ACACA: variants seen among roughly 807,000 people sequenced by gnomAD.
ACACA encodes the protein acetyl-CoA carboxylase alpha.
Under a neutral mutation model 296.1 loss-of-function variants are expected in ACACA, and 103 were observed. That is an observed-to-expected ratio of 0.35 (90% confidence interval 0.30 to 0.41). The LOEUF is 0.41. Among genes scored for constraint, ACACA ranks in the 10% least tolerant of loss-of-function variants. The pLI is 1.00. For synonymous variants in ACACA, 953 were observed against 1,038.6 expected, an observed-to-expected ratio of 0.92 and a Z score of 1.58; for missense variants, 1,554 against 2,989.7, an observed-to-expected ratio of 0.52 and a Z score of 11.20.
chr17:37,344,416 G>A (rs943696281), intron 1 of ACACA, among the ~76,000 whole-genome samples: 8 of 152,038 alleles, frequency 5.3e-5, no homozygotes, highest in African/African-American at 1.9e-4. Flanking sequence ...AAATTAGCGG[G>A]GCGTGGTGGT....
At chr17:37,201,604 C>T (rs1324604943) in intron 33 of ACACA, among the ~76,000 whole-genome samples, 1 of 151,832 alleles carries the variant, frequency 6.6e-6, no homozygotes, top group African/African-American at 2.4e-5. Context: ...TTTAGAGGTC[C>T]CCAACAAAGA....
At chr17:37,350,708 G>A (rs945563906) in intron 1 of ACACA, among the ~76,000 whole-genome samples, 61 of 152,032 alleles carry the variant, frequency 4.0e-4, no homozygotes, top group South Asian at 1.7e-3. Context: ...GCATGGTGGC[G>A]CATGCCTGTA....
rs967318507 is a variant in ACACA at position 37,294,408 on chromosome 17, T to A, written c.339-9438A>T. On this transcript the variant is annotated intron_variant, in intron 3 of 55. Coordinates refer to ENST00000616317, the MANE Select transcript of ACACA (RefSeq NM_198834.3). ...AGTGCTCTTTTATTTATAAGCCAAT[T>A]TGGTAGACACAACATGTAACAATAA... Among the ~76,000 whole-genome samples the A allele has an allele frequency of 7.9e-5, 12 of 152,336 alleles. No individual in the cohort carries two copies. In the East Asian group the frequency reaches 2.3e-3, roughly 29 times the overall value.
chr17:37,364,143 A>G (rs553135085), intron 1 of ACACA, among the ~76,000 whole-genome samples: 187 of 151,816 alleles, frequency 1.2e-3, no homozygotes, highest in African/African-American at 4.1e-3. Flanking sequence ...ATAAAAAATA[A>G]AAAAATTGCT....
intron 2 of ACACA, among the ~76,000 whole-genome samples, chr17:37,339,285 G>C (rs1483995390): frequency 6.6e-6 from 1 of 152,112 alleles, no homozygotes; most frequent in African/African-American, 2.4e-5. Flanking sequence ...AATCCACAAG[G>C]CACAATTCTT....
chr17:37,379,598 T>C (rs1233386252), intron 1 of ACACA, among the ~76,000 whole-genome samples: 2 of 151,930 alleles, frequency 1.3e-5, no homozygotes, highest in African/African-American at 2.4e-5. Context: ...TTTTCTCCCA[T>C]CAAAAAGTGG....
chr17:37,149,218 T>C (rs2075940052), intron 45 of ACACA, among the ~76,000 whole-genome samples: 1 of 152,224 alleles, frequency 6.6e-6, no homozygotes, highest in Admixed American at 6.5e-5. Context: ...TAAATCTTTA[T>C]GCATACTCTT....
chr17:37,301,005 ACACTT>A (rs1307946886), intron 3 of ACACA, among the ~76,000 whole-genome samples: 1 of 152,228 alleles, frequency 6.6e-6, no homozygotes, highest in Non-Finnish European at 1.5e-5. Context: ...AATTTTACAC[ACACTT>A]AAGTGTCTAC....
At chr17:37,227,439 G>C (rs2079589835) in intron 25 of ACACA, among the ~76,000 whole-genome samples, 1 of 152,058 alleles carries the variant, frequency 6.6e-6, no homozygotes, top group Non-Finnish European at 1.5e-5. Flanking sequence ...TGGCTGGGCA[G>C]GGTGGCTCAC....
chr17:37,237,765 A>G (rs1390892044), intron 24 of ACACA, among the ~76,000 whole-genome samples: 2 of 124,334 alleles, frequency 1.6e-5, no homozygotes, highest in Non-Finnish European at 3.1e-5. Flanking sequence ...TTATATTTTC[A>G]GTCTCTTTTT....
chr17:37,360,606 A>C (rs530799895), intron 1 of ACACA, among the ~76,000 whole-genome samples: 18 of 152,180 alleles, frequency 1.2e-4, no homozygotes, highest in Non-Finnish European at 2.2e-4. Flanking sequence ...GTCTATATGT[A>C]GTGTACTGTG....
chr17:37,291,407 C>T (rs1258784140), intron 3 of ACACA, among the ~76,000 whole-genome samples: 3 of 151,996 alleles, frequency 2.0e-5, no homozygotes, highest in Non-Finnish European at 4.4e-5. Flanking sequence ...AGCTCCCAAC[C>T]TCAGGTGATC....
chr17:37,212,740 C>T (rs12162164), intron 29 of ACACA, among the ~76,000 whole-genome samples: 3 of 151,584 alleles, frequency 2.0e-5, no homozygotes, highest in South Asian at 2.1e-4. Flanking sequence ...ATCCTCCTAT[C>T]TCAGCCTCCC....
intron 1 of ACACA, among the ~76,000 whole-genome samples, chr17:37,361,885 G>T (rs1354436498): frequency 6.6e-6 from 1 of 152,216 alleles, no homozygotes; most frequent in Non-Finnish European, 1.5e-5. Context: ...TCTAGAAGCT[G>T]ATACTAGAGG....
chr17:37,376,662 T>A (rs1435173045), intron 1 of ACACA, among the ~76,000 whole-genome samples: 1 of 152,148 alleles, frequency 6.6e-6, no homozygotes, highest in African/African-American at 2.4e-5. Flanking sequence ...TCTCTAAAAT[T>A]AGCTAATCAA....
Position 37,179,245 on chromosome 17 carries a change from G to A in ACACA, c.5079+15C>T, listed in dbSNP as rs749499606. On this transcript the variant is annotated intron_variant, in intron 41 of 55. Coordinates refer to ENST00000616317, the MANE Select transcript of ACACA (RefSeq NM_198834.3). Reference sequence around the variant, plus strand: ...CACAGAGATAAGAAAGGGAAGGGGGGTTTCAACTACTTGCCTCATTTCCTC... The same window carrying A: ...CACAGAGATAAGAAAGGGAAGGGGGATTTCAACTACTTGCCTCATTTCCTC... 1 of 1,613,950 alleles carries A rather than the reference G, an allele frequency of 6.2e-7. No homozygotes were observed. The highest frequency in any genetic ancestry group is 1.7e-5 in the Admixed American group (1 of 59,996).
intron 1 of ACACA, among the ~76,000 whole-genome samples, chr17:37,353,562 C>T (rs564498088): frequency 2.1e-5 from 3 of 143,368 alleles, no homozygotes; most frequent in Admixed American, 7.8e-5. Context: ...TCACTTGAAC[C>T]CAGGAGAAGG....
At chr17:37,359,459 C>T (rs1008942775) in intron 1 of ACACA, among the ~76,000 whole-genome samples, 2 of 151,770 alleles carry the variant, frequency 1.3e-5, no homozygotes, top group African/African-American at 4.8e-5. Context: ...TCGTGGCGCC[C>T]CTGGCCCGGC....
At chr17:37,249,498 C>G (rs1003964855) in intron 16 of ACACA, among the ~76,000 whole-genome samples, 4 of 152,184 alleles carry the variant, frequency 2.6e-5, no homozygotes, top group African/African-American at 9.6e-5. Flanking sequence ...CCCAATTTCT[C>G]TACGTACTTG....
Sources: gnomAD v4.1 joint callset for allele counts (sites outside exome capture counted in the v4.1 genomes callset) on GRCh38, gnomAD v4.1.1 for gene constraint, MANE v1.5 for transcripts, NCBI Gene and HGNC (gene_info 2026-07-23, HGNC 2026-07-21) for gene names.